MEI4: variants seen among roughly 807,000 people sequenced by gnomAD.
MEI4 encodes the protein meiotic double-stranded break formation protein 4.
In MEI4, 27 loss-of-function variants were observed where a neutral mutation model predicts 31.4. The observed-to-expected ratio is 0.86, with a 90% CI of 0.63 to 1.19. The LOEUF (loss-of-function observed/expected upper bound fraction) is 1.19. Ranked by LOEUF, MEI4 falls within the 50% of genes most tolerant of loss-of-function variation. The pLI is 0.00. For synonymous variants in MEI4, 122 were observed against 145.4 expected (o/e 0.84, Z 1.16); for missense variants, 329 against 398.9 (o/e 0.82, Z 1.49).
intron 2 of MEI4, among the ~76,000 whole-genome samples, chr6:77,743,033 A>T (rs532124082): frequency 1.3e-5 from 2 of 152,024 alleles, no homozygotes; most frequent in South Asian, 2.1e-4. Context: ...GCCTTATAGT[A>T]TAGTTTGAAG....
At chr6:77,732,343 C>T (rs896189075) in intron 2 of MEI4, among the ~76,000 whole-genome samples, 2 of 152,052 alleles carry the variant, frequency 1.3e-5, no homozygotes, top group Non-Finnish European at 2.9e-5. Context: ...AGGTCCTTCA[C>T]ATCCCTTGTA....
intron 3 of MEI4, among the ~76,000 whole-genome samples, chr6:77,814,186 A>G (rs1769637816): frequency 6.6e-6 from 1 of 152,076 alleles, no homozygotes; most frequent in Non-Finnish European, 1.5e-5. Context: ...AGATTTTGAT[A>G]TAGGGTTTCG....
intron 4 of MEI4, among the ~76,000 whole-genome samples, chr6:77,891,596 A>AT (rs932048059): frequency 9.9e-5 from 15 of 151,034 alleles, no homozygotes; most frequent in South Asian, 6.3e-4. Flanking sequence ...ATTATTTTGA[A>AT]TTTTTTTTCA....
intron 2 of MEI4, among the ~76,000 whole-genome samples, chr6:77,707,861 G>A (rs137891159): frequency 6.4e-4 from 97 of 152,362 alleles, no homozygotes; most frequent in African/African-American, 2.1e-3. Flanking sequence ...TCCACTTGGT[G>A]TTAAGGCTGC....
chr6:77,666,882 T>C lies in MEI4; in HGVS notation c.-15+13790T>C, dbSNP rs1421283943. 8.2e-5 allele frequency among the ~76,000 whole-genome samples: 11 copies of C among 134,000 alleles called. No homozygotes were observed. The East Asian group carries it at 8.7e-4, about 11-fold the overall frequency. 87.9% of individuals were successfully genotyped at this position (134,000 alleles called of 152,430 possible). The stretch of plus-strand genomic sequence containing the variant: ...CTGTGTGTGTGTGTGTGTGTGTGTG[T>C]GCGTGCGTGCGTGCGTGCATGTGTT... On this transcript the variant is annotated intron_variant, in intron 1 of 4. Coordinates refer to ENST00000684080, the MANE Select transcript of MEI4 (RefSeq NM_001322247.2).
intron 4 of MEI4, among the ~76,000 whole-genome samples, chr6:77,896,632 T>TA (rs1345385710): frequency 6.6e-6 from 1 of 152,052 alleles, no homozygotes; most frequent in African/African-American, 2.4e-5. Flanking sequence ...AACACACACT[T>TA]ACACCTTCTT....
chr6:77,906,217 T>C (rs150623267), intron 4 of MEI4, among the ~76,000 whole-genome samples: 1 of 152,318 alleles, frequency 6.6e-6, no homozygotes, highest in East Asian at 1.9e-4. Flanking sequence ...ATCGTGGTCT[T>C]TGTGGTGATA....
At chr6:77,878,817 A>C (rs1195211474) in intron 4 of MEI4, among the ~76,000 whole-genome samples, 1 of 152,314 alleles carries the variant, frequency 6.6e-6, no homozygotes, top group East Asian at 1.9e-4. Flanking sequence ...TTAACTTAAA[A>C]TAACAGAGGT....
intron 2 of MEI4, among the ~76,000 whole-genome samples, chr6:77,737,521 A>G (rs1183371863): frequency 6.6e-6 from 1 of 152,212 alleles, no homozygotes; most frequent in Non-Finnish European, 1.5e-5. Context: ...CCATTAGGAA[A>G]TGATCAGAAA....
In MEI4 at chr6:77,761,679, C is replaced by G. The variant is rs1768048780; in HGVS notation, c.768+14C>G. On this transcript the variant is annotated intron_variant, in intron 3 of 4. Transcript: ENST00000684080. ...CATATAAATCAGGTGAGTAATAAAT[C>G]CCTCTTTTATTCCTAAAATGCTAGT... The G allele has an allele frequency of 8.2e-7, 1 of 1,220,162 alleles. No individual in the cohort carries two copies. The highest frequency in any genetic ancestry group is 1.0e-6 in the Non-Finnish European group (1 of 977,604). The allele number at this position is 1,220,162 out of a possible 1,614,324, so 75.6% of individuals were successfully genotyped here.
At chr6:77,664,477 G>T (rs1408723870) in intron 1 of MEI4, among the ~76,000 whole-genome samples, 2 of 152,148 alleles carry the variant, frequency 1.3e-5, no homozygotes, top group East Asian at 1.9e-4. Flanking sequence ...CTGGGCAGGT[G>T]GGGGAGGGCT....
At chr6:77,660,941 G>A (rs1282005983) in intron 1 of MEI4, among the ~76,000 whole-genome samples, 1 of 152,112 alleles carries the variant, frequency 6.6e-6, no homozygotes, top group African/African-American at 2.4e-5. Context: ...GTATGGCTGG[G>A]GATCTGGAGT....
At chr6:77,743,663 C>T (rs1215549983) in intron 2 of MEI4, among the ~76,000 whole-genome samples, 2 of 152,188 alleles carry the variant, frequency 1.3e-5, no homozygotes, top group African/African-American at 2.4e-5. Flanking sequence ...CAGACTGCCT[C>T]CTCAAGTGGG....
intron 2 of MEI4, among the ~76,000 whole-genome samples, chr6:77,754,902 C>T (rs1767872915): frequency 6.6e-6 from 1 of 152,148 alleles, no homozygotes; most frequent in East Asian, 1.9e-4. Flanking sequence ...AATCACCTCC[C>T]ACCAGGCCTC....
intron 4 of MEI4, among the ~76,000 whole-genome samples, chr6:77,898,097 A>G (rs542931222): frequency 7.2e-5 from 11 of 152,142 alleles, no homozygotes; most frequent in Admixed American, 3.9e-4. Flanking sequence ...CATTGTTGCA[A>G]GCATGGTCAG....
chr6:77,776,588 T>C (rs563109648), intron 3 of MEI4, among the ~76,000 whole-genome samples: 5 of 152,146 alleles, frequency 3.3e-5, no homozygotes, highest in Non-Finnish European at 5.9e-5. Context: ...ACTGGAACTC[T>C]TACAGTTATC....
chr6:77,805,294 A>G (rs901384504), intron 3 of MEI4, among the ~76,000 whole-genome samples: 2 of 152,104 alleles, frequency 1.3e-5, no homozygotes, highest in Non-Finnish European at 2.9e-5. Flanking sequence ...TCTGTGACCT[A>G]TCACCATTCC....
intron 1 of MEI4, among the ~76,000 whole-genome samples, chr6:77,665,045 G>C (rs1768595879): frequency 6.6e-6 from 1 of 151,546 alleles, no homozygotes; most frequent in African/African-American, 2.4e-5. Flanking sequence ...AGAGAAGAGA[G>C]AGTAGAGAAA....
chr6:77,784,678 T>C (rs569133675), intron 3 of MEI4, among the ~76,000 whole-genome samples: 1 of 152,298 alleles, frequency 6.6e-6, no homozygotes, highest in East Asian at 1.9e-4. Context: ...ATTTGCAGTC[T>C]GTTAAGTAAT....
Sources: gnomAD v4.1 joint callset for allele counts (sites outside exome capture counted in the v4.1 genomes callset) on GRCh38, gnomAD v4.1.1 for gene constraint, MANE v1.5 for transcripts, NCBI Gene and HGNC (gene_info 2026-07-23, HGNC 2026-07-21) for gene names.